Variants in FAM117A observed in about 807,000 individuals in gnomAD.
FAM117A encodes the protein family with sequence similarity 117 member A.
Under a neutral mutation model 44.1 loss-of-function variants are expected in FAM117A, and 21 were observed. The ratio of observed to expected loss-of-function variants is 0.48; its 90% CI spans 0.34 to 0.69. The LOEUF (loss-of-function observed/expected upper bound fraction) is 0.69. Among genes scored for constraint, FAM117A ranks in the 30% least tolerant of loss-of-function variants. The pLI, the probability that FAM117A is intolerant of heterozygous loss-of-function variation, is 0.01. For synonymous variants in FAM117A, 220 were observed against 238.3 expected, an observed-to-expected ratio of 0.92 and a Z score of 0.71; for missense variants, 498 against 589.9, an observed-to-expected ratio of 0.84 and a Z score of 1.61.
chr17:49,740,249 ATT>A (rs879708249), intron 1 of FAM117A, among the ~76,000 whole-genome samples: 10 of 143,196 alleles, frequency 7.0e-5, no homozygotes, highest in Admixed American at 6.9e-5. Flanking sequence ...TGGTAAGCAG[ATT>A]TTTTTTTTTT....
rs140205413 is a variant in FAM117A at position 49,744,548 on chromosome 17, G to A, written c.197-11828C>T. ...TTGCCTAGGCTGGTCTTGAACTCCT[G>A]GGCTCAAGCGATTCTCCTGCCTTGG... On this transcript the variant is annotated intron_variant, in intron 1 of 7. Coordinates refer to ENST00000240364, the MANE Select transcript of FAM117A (RefSeq NM_030802.4). 7.0e-4 allele frequency among the ~76,000 whole-genome samples: 106 copies of A among 151,904 alleles called. 1 individual carries two copies. Among genetic ancestry groups the A allele is most frequent in the Admixed American group, 6.3e-3 (96 of 15,254 alleles).
intron 7 of FAM117A, among the ~76,000 whole-genome samples, chr17:49,715,961 G>A (rs930931108): frequency 2.5e-4 from 38 of 152,224 alleles, no homozygotes; most frequent in Non-Finnish European, 5.9e-5. Flanking sequence ...TGGGCAGAGA[G>A]CAGGTTTCTA....
Position 49,780,830 on chromosome 17 carries a change from C to T in FAM117A, c.-621+7667G>A, listed in dbSNP as rs145957428. Among the ~76,000 whole-genome samples the T allele has an allele frequency of 5.3e-5, 8 of 152,164 alleles. No individual in the cohort carries two copies. The South Asian group carries it at 1.0e-3, about 20-fold the overall frequency. The stretch of plus-strand genomic sequence containing the variant: ...ACTAAAGACATGATTCTGAAGCAAA[C>T]GTTCTGCCTTTTCTTTTTGAGATGG... On this transcript the variant is annotated intron_variant, in intron 1 of 7. Coordinates refer to the FAM117A transcript ENST00000513602.
intron 1 of FAM117A, among the ~76,000 whole-genome samples, chr17:49,782,898 A>G (rs999963307): frequency 6.6e-6 from 1 of 152,148 alleles, no homozygotes; most frequent in African/African-American, 2.4e-5. Flanking sequence ...ATGTCTGCTT[A>G]TTCAGCTTCT....
At chr17:49,749,881 A>G (rs144569131) in intron 1 of FAM117A, among the ~76,000 whole-genome samples, 1 of 148,520 alleles carries the variant, frequency 6.7e-6, no homozygotes, top group African/African-American at 2.4e-5. Context: ...TATAACGGTC[A>G]ATACCTGGGC....
intron 5 of FAM117A, 90 bp from the exon 6 acceptor site, chr17:49,717,804 G>A: frequency 1.9e-6 from 2 of 1,074,374 alleles, no homozygotes; most frequent in Non-Finnish European, 1.3e-6. Context: ...CCTTGCTGCT[G>A]TCATTCTCTA....
chr17:49,765,778 TA>T (rs1386385287), upstream of FAM117A: 1 of 152,234 alleles, frequency 6.6e-6, no homozygotes, highest in Non-Finnish European at 1.5e-5. Flanking sequence ...TAAGATTAAT[TA>T]ACTCAGTTGA....
At chr17:49,747,634 C>A (rs910395353) in intron 1 of FAM117A, among the ~76,000 whole-genome samples, 1 of 152,204 alleles carries the variant, frequency 6.6e-6, no homozygotes, top group Non-Finnish European at 1.5e-5. Flanking sequence ...CTTCTCTGAT[C>A]ATCTCCAACT....
chr17:49,734,696 TTC>T (rs2073602781), intron 1 of FAM117A, among the ~76,000 whole-genome samples: 1 of 152,110 alleles, frequency 6.6e-6, no homozygotes, highest in African/African-American at 2.4e-5. Flanking sequence ...GACCCAGCAG[TTC>T]CACTCCTAGG....
intron 1 of FAM117A, among the ~76,000 whole-genome samples, chr17:49,771,860 T>C (rs73335282): frequency 0.038 from 5,734 of 152,304 alleles, 363 homozygotes; most frequent in African/African-American, 0.13. Flanking sequence ...TTCCCACTTA[T>C]CTTCTTCAAG....
intron 1 of FAM117A, among the ~76,000 whole-genome samples, chr17:49,783,011 T>C (rs1247834058): frequency 6.6e-6 from 1 of 152,200 alleles, no homozygotes. Flanking sequence ...ACCGGGTACT[T>C]TCCACCCCGG....
chr17:49,717,637 CAGG>C lies in FAM117A; in HGVS notation c.783_785del (p.Leu262del), dbSNP rs1488563590. ...GAGAGCTGGCAAGGTTGCCAGGCTC[CAGG>C]AGGAGGAGGGGATGATCACAGCTGC... On this transcript the variant is annotated inframe_deletion, in exon 6 of 8. Transcript: ENST00000240364. The C allele has an allele frequency of 1.9e-6, 3 of 1,613,864 alleles. No individual in the cohort carries two copies. The highest frequency in any genetic ancestry group is 3.3e-5 in the Admixed American group (2 of 59,976).
upstream of FAM117A, among the ~76,000 whole-genome samples, chr17:49,767,827 C>A (rs1172606166): frequency 6.6e-6 from 1 of 152,038 alleles, no homozygotes; most frequent in African/African-American, 2.4e-5. Flanking sequence ...TGCTTGAACC[C>A]AGGAGGCGGA....
intron 2 of FAM117A, chr17:49,724,606 G>A: frequency 2.4e-6 from 1 of 408,846 alleles, no homozygotes; most frequent in South Asian, 1.8e-5. Flanking sequence ...ACTGAGGCGG[G>A]TGGATCACTT....
At chr17:49,725,078 C>T (rs561454561) in intron 2 of FAM117A, among the ~76,000 whole-genome samples, 2 of 152,276 alleles carry the variant, frequency 1.3e-5, no homozygotes, top group South Asian at 4.1e-4. Context: ...GCTCTCCATC[C>T]TTGGCTCTCT....
chr17:49,717,032 A>G (rs2073507561), intron 6 of FAM117A, among the ~76,000 whole-genome samples: 1 of 152,170 alleles, frequency 6.6e-6, no homozygotes, highest in African/African-American at 2.4e-5. Flanking sequence ...TTTCTCAGAG[A>G]AGTAGCTAGG....
chr17:49,745,215 T>C (rs1048124008), intron 1 of FAM117A, among the ~76,000 whole-genome samples: 1 of 152,186 alleles, frequency 6.6e-6, no homozygotes, highest in Admixed American at 6.5e-5. Context: ...CCCCATTTTG[T>C]TGCCTTCCCT....
chr17:49,732,889 G>A, intron 1 of FAM117A, 169 bp from the exon 2 acceptor site: 1 of 637,856 alleles, frequency 1.6e-6, no homozygotes, highest in Non-Finnish European at 2.7e-6. Flanking sequence ...GGTCTGACAA[G>A]ACCTTTCCTG....
chr17:49,716,089 G>A (rs546604062), intron 7 of FAM117A, 76 bp downstream of exon 7: 1 of 1,516,200 alleles, frequency 6.6e-7, no homozygotes. Context: ...TGACAAGAGA[G>A]AGTCCAAGAC....
Sources: gnomAD v4.1 joint callset for allele counts (sites outside exome capture counted in the v4.1 genomes callset) on GRCh38, gnomAD v4.1.1 for gene constraint, MANE v1.5 for transcripts, NCBI Gene and HGNC (gene_info 2026-07-23, HGNC 2026-07-21) for gene names.